The following ARL15 variants were observed in gnomAD, a reference collection of about 807,000 sequenced individuals.
The protein encoded by ARL15 is ARF like GTPase 15, also known as ADP-ribosylation factor-like protein 15.
ARL15 carries 19 observed loss-of-function variants against 25.2 expected under a neutral mutation model. The observed-to-expected ratio is 0.75, with a 90% confidence interval of 0.53 to 1.10. ARL15 has a LOEUF of 1.10. ARL15 is among the 50% of genes least tolerant of loss of function. The pLI is 0.00. For missense variants in ARL15, 220 were observed against 246.0 expected, an observed-to-expected ratio of 0.89 and a Z score of 0.71; for synonymous variants, 94 against 86.8, an observed-to-expected ratio of 1.08 and a Z score of -0.46.
intron 4 of ARL15, among the ~76,000 whole-genome samples, chr5:54,012,981 G>A (rs907972415): frequency 3.3e-5 from 5 of 151,606 alleles, no homozygotes; most frequent in Admixed American, 2.6e-4. Flanking sequence ...CGAATTTTTA[G>A]TAGAGACGGA....
intron 1 of ARL15, among the ~76,000 whole-genome samples, chr5:54,242,156 C>A (rs187093390): frequency 2.6e-5 from 4 of 152,096 alleles, no homozygotes; most frequent in Admixed American, 2.6e-4. Context: ...TTAACCTGTA[C>A]ACGTACACAC....
chr5:53,922,546 A>C (rs1019972500), intron 4 of ARL15, among the ~76,000 whole-genome samples: 2 of 152,188 alleles, frequency 1.3e-5, no homozygotes, highest in African/African-American at 4.8e-5. Context: ...ACCAGAATGA[A>C]CGTTGGTGGC....
At chr5:54,203,571 A>G (rs1160200824) in intron 1 of ARL15, among the ~76,000 whole-genome samples, 1 of 152,182 alleles carries the variant, frequency 6.6e-6, no homozygotes, top group African/African-American at 2.4e-5. Flanking sequence ...AAAATATCCA[A>G]TGACTAAAGT....
intron 1 of ARL15, among the ~76,000 whole-genome samples, chr5:54,248,831 T>C (rs1757161563): frequency 6.6e-6 from 1 of 152,130 alleles, no homozygotes; most frequent in Non-Finnish European, 1.5e-5. Flanking sequence ...GTCATGGGAA[T>C]AGATGAATTC....
chr5:54,021,756 A>G (rs182011336), intron 4 of ARL15, among the ~76,000 whole-genome samples: 3 of 152,222 alleles, frequency 2.0e-5, no homozygotes, highest in Non-Finnish European at 4.4e-5. Flanking sequence ...GCAAAAAGAC[A>G]TAATGATTGA....
chr5:53,923,733 C>T (rs796261294), intron 4 of ARL15, among the ~76,000 whole-genome samples: 14 of 152,128 alleles, frequency 9.2e-5, no homozygotes, highest in African/African-American at 2.2e-4. Flanking sequence ...GGCGTGGTGG[C>T]GGGCGCCCGT....
intron 3 of ARL15, among the ~76,000 whole-genome samples, chr5:54,130,031 G>T (rs2112273656): frequency 6.6e-6 from 1 of 152,250 alleles, no homozygotes. Flanking sequence ...TTGAGCCCAG[G>T]AGTCCAAGAC....
chr5:54,065,132 G>C (rs1024827529), intron 4 of ARL15, among the ~76,000 whole-genome samples: 1 of 152,278 alleles, frequency 6.6e-6, no homozygotes, highest in Admixed American at 6.5e-5. Context: ...AAATAAATTT[G>C]AGAAGTAAAA....
chr5:54,209,315 G>A (rs1365087913), intron 1 of ARL15, among the ~76,000 whole-genome samples: 1 of 143,164 alleles, frequency 7.0e-6, no homozygotes, highest in Non-Finnish European at 1.5e-5. Flanking sequence ...GAATGATGGT[G>A]GTAAATATAA....
intron 4 of ARL15, among the ~76,000 whole-genome samples, chr5:53,927,652 C>T (rs1387318059): frequency 5.3e-5 from 8 of 152,122 alleles, no homozygotes; most frequent in African/African-American, 1.9e-4. Flanking sequence ...GTTCTGCTTT[C>T]TGAAAAATGG....
intron 4 of ARL15, among the ~76,000 whole-genome samples, chr5:53,918,050 C>T (rs1462988770): frequency 6.6e-6 from 1 of 152,080 alleles, no homozygotes; most frequent in Non-Finnish European, 1.5e-5. Context: ...CATGAGATAA[C>T]TGAGGCTTCA....
At chr5:54,278,226 G>C (rs1183721121) in intron 1 of ARL15, among the ~76,000 whole-genome samples, 1 of 152,178 alleles carries the variant, frequency 6.6e-6, no homozygotes, top group East Asian at 1.9e-4. Flanking sequence ...ACATTCCTAA[G>C]AGCATTCCAA....
chr5:53,919,353 A>T (rs977978110), intron 4 of ARL15, among the ~76,000 whole-genome samples: 1 of 152,206 alleles, frequency 6.6e-6, no homozygotes, highest in African/African-American at 2.4e-5. Context: ...AACCGTAAAT[A>T]ATCATGGTAG....
At chr5:54,237,135 G>C (rs535147339) in intron 1 of ARL15, among the ~76,000 whole-genome samples, 37 of 152,308 alleles carry the variant, frequency 2.4e-4, no homozygotes, top group African/African-American at 7.9e-4. Flanking sequence ...TCATGGGAGT[G>C]GGTTTTCCCC....
chr5:54,005,017 GTTA>G (rs1056870962), intron 4 of ARL15, among the ~76,000 whole-genome samples: 16 of 145,376 alleles, frequency 1.1e-4, no homozygotes, highest in Non-Finnish European at 1.5e-4. Flanking sequence ...TTGAATAATA[GTTA>G]TTATTATTTT....
Position 54,053,315 on chromosome 5 carries a change from T to C in ARL15, c.462+59887A>G, listed in dbSNP as rs1178832574. 4.6e-5 allele frequency among the ~76,000 whole-genome samples: 7 copies of C among 152,124 alleles called. No individual in the cohort carries two copies. In the South Asian group the frequency reaches 6.2e-4, roughly 14 times the overall value. ...AGTCTCTACTGACATAAGTAAATAA[T>C]TGAATAAATCAACAAATAAATGGGG... On this transcript the variant is annotated intron_variant, in intron 4 of 4. Coordinates refer to ENST00000504924, the MANE Select transcript of ARL15 (RefSeq NM_019087.3).
chr5:54,171,985 T>C (rs756790719), intron 1 of ARL15, 57 bp from the exon 2 acceptor site: 121 of 1,572,018 alleles, frequency 7.7e-5, no homozygotes, highest in Non-Finnish European at 6.9e-5. Context: ...AAATAAACCA[T>C]AGTCACATTT....
At chr5:54,227,352 C>T (rs1389784259) in intron 1 of ARL15, among the ~76,000 whole-genome samples, 1 of 152,236 alleles carries the variant, frequency 6.6e-6, no homozygotes, top group Non-Finnish European at 1.5e-5. Context: ...GCATGACTAA[C>T]ACAAGACCTA....
intron 4 of ARL15, among the ~76,000 whole-genome samples, chr5:54,066,151 A>G (rs544421457): frequency 1.3e-5 from 2 of 152,290 alleles, no homozygotes; most frequent in African/African-American, 4.8e-5. Flanking sequence ...GTGTCAGGGG[A>G]GGAATGAATC....
Sources: gnomAD v4.1 joint callset for allele counts (sites outside exome capture counted in the v4.1 genomes callset) on GRCh38, gnomAD v4.1.1 for gene constraint, MANE v1.5 for transcripts, NCBI Gene and HGNC (gene_info 2026-07-23, HGNC 2026-07-21) for gene names.